The following PDZD9 variants were observed in gnomAD, a reference collection of about 807,000 sequenced individuals.
PDZD9 encodes PDZ domain-containing protein 9.
PDZD9 carries 13 observed loss-of-function variants against 16.3 expected under a neutral mutation model. The observed-to-expected ratio is 0.80, with a 90% CI of 0.52 to 1.27. PDZD9 has a LOEUF of 1.27. Among genes scored for constraint, PDZD9 ranks in the 50% most tolerant of loss-of-function variants. The probability of loss-of-function intolerance (pLI) is 0.00; values close to 1 mark genes in which losing one functional copy is unlikely to be tolerated. For synonymous variants in PDZD9, 120 were observed against 111.0 expected, an observed-to-expected ratio of 1.08 and a Z score of -0.51; for missense variants, 288 against 310.9, an observed-to-expected ratio of 0.93 and a Z score of 0.55.
chr16:21,993,054 G>T (rs537342821), intron 2 of PDZD9, among the ~76,000 whole-genome samples: 5 of 152,172 alleles, frequency 3.3e-5, no homozygotes, highest in African/African-American at 1.2e-4. Flanking sequence ...CACTATGATT[G>T]TAAGTTTCCT....
chr16:21,960,874 A>C, the PDZD9 span, among the ~76,000 whole-genome samples: 1 of 152,066 alleles, frequency 6.6e-6, no homozygotes, highest in Non-Finnish European at 1.5e-5. Context: ...TCTGTTTCCC[A>C]GGCTGGAGTG....
intron 1 of PDZD9, among the ~76,000 whole-genome samples, chr16:22,000,760 G>A (rs774939435): frequency 2.0e-5 from 3 of 151,862 alleles, no homozygotes; most frequent in Non-Finnish European, 2.9e-5. Context: ...GGAGGCAGAG[G>A]TTGCAGTGAG....
the PDZD9 span, among the ~76,000 whole-genome samples, chr16:21,969,629 T>C: frequency 1.3e-5 from 2 of 152,210 alleles, no homozygotes; most frequent in African/African-American, 4.8e-5. Context: ...AGTAGTTGCA[T>C]GAGAATATCA....
rs1898952464 is a variant in PDZD9 at position 21,988,857 on chromosome 16, CTT to C, written c.212-68_212-67del. 1.9e-5 allele frequency: 24 copies of C among 1,289,344 alleles called. 1 individual carries two copies. In the South Asian group the frequency reaches 3.7e-4, roughly 20 times the overall value. The allele number at this position is 1,289,344 out of a possible 1,614,324, so 79.9% of individuals were successfully genotyped here. A position where few individuals can be genotyped will look rare whatever the true frequency, so the allele number is the denominator to read the frequency against. ...TTAAAGGGACTATATTGATTTCTGG[CTT>C]TATTGTGAGGTATTTCATTTTATGG... On this transcript the variant is annotated intron_variant, in intron 2 of 3. Coordinates refer to ENST00000424898, the MANE Select transcript of PDZD9 (RefSeq NM_001363519.1).
chr16:21,975,576 C>T, the PDZD9 span, among the ~76,000 whole-genome samples: 2 of 152,270 alleles, frequency 1.3e-5, no homozygotes, highest in Admixed American at 1.3e-4. Context: ...GTACCCACAT[C>T]CCCGGAACTT....
At chr16:21,980,816 T>C, downstream of PDZD9, 3 of 1,245,182 alleles carry the variant, frequency 2.4e-6, no homozygotes, top group Non-Finnish European at 3.3e-6. Flanking sequence ...TTGGTGCTCA[T>C]CTACTTAATG....
intron 2 of PDZD9, among the ~76,000 whole-genome samples, chr16:21,990,644 GCAAAACAAAA>G (rs576783832): frequency 2.2e-4 from 34 of 152,196 alleles, no homozygotes; most frequent in African/African-American, 7.9e-4. Context: ...AATTACAATG[GCAAAACAAAA>G]CAAAACAAAA....
rs577968679 is a variant in PDZD9, at chr16:21,989,994, C to T, written c.212-1203G>A. On this transcript the variant is annotated intron_variant, in intron 2 of 3. Transcript: ENST00000424898. Reference sequence around the variant, plus strand: ...TGGAGGAGGAGATGCAAAAGAGTGACAGGAGCTTCTAGTTGCTAGGGGTAG... The same window carrying T: ...TGGAGGAGGAGATGCAAAAGAGTGATAGGAGCTTCTAGTTGCTAGGGGTAG... Among the ~76,000 whole-genome samples, 4 of 152,280 alleles carry T rather than the reference C, an allele frequency of 2.6e-5. No homozygotes were observed. In the East Asian group the frequency reaches 7.7e-4, roughly 29 times the overall value.
At chr16:21,999,293 T>C in intron 1 of PDZD9, 1 of 222,634 alleles carries the variant, frequency 4.5e-6, no homozygotes, top group East Asian at 1.1e-4. Context: ...AAGATGATCC[T>C]ACTGCTGTTG....
intron 3 of PDZD9, among the ~76,000 whole-genome samples, chr16:21,985,204 T>A (rs891537666): frequency 6.6e-6 from 1 of 152,182 alleles, no homozygotes; most frequent in Admixed American, 6.6e-5. Flanking sequence ...AACCTTGAAT[T>A]CCTGGGCTCA....
At chr16:21,985,327 A>G (rs575093084) in intron 3 of PDZD9, among the ~76,000 whole-genome samples, 1 of 152,148 alleles carries the variant, frequency 6.6e-6, no homozygotes, top group South Asian at 2.1e-4. Flanking sequence ...TATTTTTAAA[A>G]CAGGATCTCC....
rs751068799 is a variant in PDZD9 at position 21,984,384 on chromosome 16, C to T, written c.678G>A (p.Val226=). The change falls in exon 4 of 4, where the codon GTG becomes GTA. Residue 226 remains valine (V), a synonymous_variant. Transcript: ENST00000424898. ...VRAPSPYWIM[V]KQDNESSSSS... ...AGGAAGAGCTTTCATTGTCTTGCTT[C>T]ACCATTATCCAGTATGGAGAAGGGG... 1.2e-6 allele frequency: 2 copies of T among 1,614,056 alleles called. No homozygotes were observed. The highest frequency in any genetic ancestry group is 1.7e-6 in the Non-Finnish European group (2 of 1,180,034).
rs762820653 is a variant in PDZD9 at position 21,984,339 on chromosome 16, TGAGGTAGAG to T, written c.714_722del (p.Ser239_Ser241del). On this transcript the variant is annotated inframe_deletion, in exon 4 of 4. Coordinates refer to ENST00000424898, the MANE Select transcript of PDZD9 (RefSeq NM_001363519.1). ...CACAATCTTCCAGCCAAAATGCATC[TGAGGTAGAG>T]GAGGTAGAGGAGGAAGAGCTTTCAT... 5.7e-5 allele frequency: 92 copies of T among 1,614,124 alleles called. No homozygotes were observed. The Admixed American group carries it at 5.8e-4, about 10-fold the overall frequency.
intron 2 of PDZD9, among the ~76,000 whole-genome samples, chr16:21,991,924 G>T (rs1400110061): frequency 6.6e-6 from 1 of 152,214 alleles, no homozygotes; most frequent in Non-Finnish European, 1.5e-5. Context: ...GACTAGAAAG[G>T]TATGGGCTTT....
intron 2 of PDZD9, among the ~76,000 whole-genome samples, chr16:21,992,031 CA>C (rs1899034590): frequency 2.0e-5 from 3 of 152,186 alleles, no homozygotes; most frequent in Admixed American, 1.3e-4. Context: ...CTCTGTATTT[CA>C]TTATCTACAT....
chr16:21,992,059 A>T (rs1899035609), intron 2 of PDZD9, among the ~76,000 whole-genome samples: 1 of 152,088 alleles, frequency 6.6e-6, no homozygotes, highest in African/African-American at 2.4e-5. Context: ...AGTGTTGCAA[A>T]CTTTAAATTA....
downstream of PDZD9, among the ~76,000 whole-genome samples, chr16:21,982,023 G>A (rs571750153): frequency 2.0e-5 from 3 of 151,674 alleles, no homozygotes; most frequent in African/African-American, 7.3e-5. Flanking sequence ...TGTATTTTTA[G>A]TAGAGACGGG....
the PDZD9 span, chr16:21,962,878 G>T: frequency 1.2e-6 from 2 of 1,613,608 alleles, no homozygotes; most frequent in African/African-American, 1.3e-5. Flanking sequence ...TTCAGAATCC[G>T]CAGACTCGTA....
the PDZD9 span, chr16:21,962,539 G>C: frequency 6.2e-7 from 1 of 1,614,004 alleles, no homozygotes; most frequent in Non-Finnish European, 8.5e-7. Flanking sequence ...GTGTGTTTAG[G>C]ACTTCTGCTT....
Sources: gnomAD v4.1 joint callset for allele counts (sites outside exome capture counted in the v4.1 genomes callset) on GRCh38, gnomAD v4.1.1 for gene constraint, MANE v1.5 for transcripts, NCBI Gene and HGNC (gene_info 2026-07-23, HGNC 2026-07-21) for gene names.